OR4K1: variants seen among roughly 807,000 people sequenced by gnomAD.
OR4K1 encodes the protein olfactory receptor 4K1.
In OR4K1, 16 loss-of-function variants were observed where a neutral mutation model predicts 14.4. The observed-to-expected ratio is 1.11, with a 90% confidence interval of 0.75 to 1.68. The LOEUF (loss-of-function observed/expected upper bound fraction) is 1.68. OR4K1 is among the 40% of genes most tolerant of loss of function. OR4K1 has a pLI of 0.00. For missense variants in OR4K1, 548 were observed against 376.9 expected (o/e 1.45, Z -3.76); for synonymous variants, 181 against 133.1 (o/e 1.36, Z -2.48).
At chr14:19,921,390 T>C in the OR4K1 span, 4 of 1,613,914 alleles carry the variant, frequency 2.5e-6, no homozygotes, top group East Asian at 4.5e-5. Flanking sequence ...TGTGTGGCCC[T>C]TTACCATCTC....
intron 1 of OR4K1, among the ~76,000 whole-genome samples, chr14:19,933,694 G>A (rs1219152182): frequency 6.6e-6 from 1 of 152,206 alleles, no homozygotes; most frequent in Non-Finnish European, 1.5e-5. Context: ...TCAGGTTCAA[G>A]CGATTCTCCT....
At chr14:19,928,434 A>T (rs1882107654), upstream of OR4K1, among the ~76,000 whole-genome samples, 1 of 152,076 alleles carries the variant, frequency 6.6e-6, no homozygotes, top group Non-Finnish European at 1.5e-5. Flanking sequence ...CTGTGACTTC[A>T]ATTATGTTTA....
the OR4K1 span, among the ~76,000 whole-genome samples, chr14:19,925,766 G>A: frequency 6.6e-6 from 1 of 152,276 alleles, no homozygotes; most frequent in Non-Finnish European, 1.5e-5. Context: ...GGCTCGTGGG[G>A]AGAGTACCCC....
At chr14:19,933,317 CA>C (rs2070631500) in intron 1 of OR4K1, among the ~76,000 whole-genome samples, 1 of 152,110 alleles carries the variant, frequency 6.6e-6, no homozygotes, top group South Asian at 2.1e-4. Context: ...CACAATGAGT[CA>C]AATGCTATAA....
upstream of OR4K1, among the ~76,000 whole-genome samples, chr14:19,929,115 A>T (rs1882127384): frequency 6.6e-6 from 1 of 151,750 alleles, no homozygotes; most frequent in Non-Finnish European, 1.5e-5. Context: ...TTTAAAACTT[A>T]ATCTTTGATC....
rs149331677 is a variant in OR4K1, at chr14:19,936,269, G to A, written c.603G>A (p.Thr201=). The A allele has an allele frequency of 2.8e-3, 4,439 of 1,613,688 alleles. 6 individuals carry two copies. Among genetic ancestry groups the A allele is most frequent in the Non-Finnish European group, 3.3e-3 (3,910 of 1,179,602 alleles). The part of the protein sequence containing the change: ...DTYEMEIMTL[T]NSGLISLSCF... Reference sequence around the variant, plus strand: ...ATGAAATGGAAATTATGACCCTAACGAACAGTGGCCTGATATCATTGAGCT... The same window carrying A: ...ATGAAATGGAAATTATGACCCTAACAAACAGTGGCCTGATATCATTGAGCT... The change falls in exon 2 of 2, where the codon ACG becomes ACA. Residue 201 remains threonine (T), a synonymous_variant. Coordinates refer to ENST00000641172, the MANE Select transcript of OR4K1 (RefSeq NM_001004063.3).
chr14:19,921,937 A>T, the OR4K1 span, among the ~76,000 whole-genome samples: 1 of 152,282 alleles, frequency 6.6e-6, no homozygotes, highest in Non-Finnish European at 1.5e-5. Flanking sequence ...TCTTAACAAC[A>T]TGCCTAAAAC....
At position 19,936,013 on chromosome 14, in the gene OR4K1, T is replaced by A; in HGVS notation, c.347T>A (p.Val116Glu). ...GTTGGGAGTGAGATGATGTTGCTTG[T>A]AGCTATGGCATATGACAGATTTATA... ...SFVGSEMMLL[V>E]AMAYDRFIAI... Residue 116 changes from valine (V) to glutamate (E), a missense_variant, in exon 2 of 2, where the codon GTA becomes GAA. Transcript: ENST00000641172. 1 of 1,614,262 alleles carries A rather than the reference T, an allele frequency of 6.2e-7. No individual in the cohort carries two copies. The highest frequency in any genetic ancestry group is 8.5e-7 in the Non-Finnish European group (1 of 1,180,048).
At chr14:19,933,560 T>G (rs1311820607) in intron 1 of OR4K1, among the ~76,000 whole-genome samples, 1 of 152,314 alleles carries the variant, frequency 6.6e-6, no homozygotes. Flanking sequence ...CATGCCTCGT[T>G]GATCTGTTTA....
At chr14:19,921,770 T>A in the OR4K1 span, 1 of 597,202 alleles carries the variant, frequency 1.7e-6, no homozygotes, top group Non-Finnish European at 2.6e-6. Context: ...CTGTTTAGAT[T>A]ACTGGTTCTA....
At chr14:19,934,772 G>A (rs1390397322) in intron 1 of OR4K1, among the ~76,000 whole-genome samples, 1 of 152,050 alleles carries the variant, frequency 6.6e-6, no homozygotes, top group Non-Finnish European at 1.5e-5. Context: ...CCAGGTTCAA[G>A]CAATTCTCCT....
the OR4K1 span, among the ~76,000 whole-genome samples, chr14:19,923,266 A>G: frequency 6.6e-6 from 1 of 152,180 alleles, no homozygotes. Flanking sequence ...TCGTTAATGC[A>G]TGTGTTTAGC....
chr14:19,933,802 G>T (rs1882240535), intron 1 of OR4K1, among the ~76,000 whole-genome samples: 1 of 152,178 alleles, frequency 6.6e-6, no homozygotes, highest in Non-Finnish European at 1.5e-5. Context: ...TGCCAGGCAG[G>T]TCTTGAACTC....
At chr14:19,922,785 C>T in the OR4K1 span, among the ~76,000 whole-genome samples, 2 of 152,300 alleles carry the variant, frequency 1.3e-5, no homozygotes, top group Non-Finnish European at 2.9e-5. Context: ...TGTGCTGTCT[C>T]CCCTGTGATC....
upstream of OR4K1, among the ~76,000 whole-genome samples, chr14:19,928,199 T>C (rs1882100945): frequency 6.6e-6 from 1 of 152,252 alleles, no homozygotes; most frequent in South Asian, 2.1e-4. Flanking sequence ...GATTGGACTC[T>C]CTCTGCATCA....
At chr14:19,929,923 G>C (rs1024076109), upstream of OR4K1, among the ~76,000 whole-genome samples, 11 of 152,258 alleles carry the variant, frequency 7.2e-5, no homozygotes, top group African/African-American at 2.6e-4. Context: ...TTTCTTTGTA[G>C]TCTGGATATT....
the OR4K1 span, chr14:19,921,768 A>G: frequency 1.2e-4 from 76 of 610,664 alleles, no homozygotes; most frequent in Non-Finnish European, 1.9e-4. Flanking sequence ...CTCTGTTTAG[A>G]TTACTGGTTC....
chr14:19,927,653 G>A (rs1454105798), upstream of OR4K1, among the ~76,000 whole-genome samples: 1 of 152,218 alleles, frequency 6.6e-6, no homozygotes, highest in Non-Finnish European at 1.5e-5. Context: ...AGGGAGTCAT[G>A]CTGCAACCTT....
At position 19,936,158 on chromosome 14, in the gene OR4K1, G is replaced by A; in HGVS notation, c.492G>A (p.Val164=). The change falls in exon 2 of 2, where the codon GTG becomes GTA. Residue 164 remains valine, a synonymous_variant. Coordinates refer to ENST00000641172, the MANE Select transcript of OR4K1 (RefSeq NM_001004063.3). ...CTGTGAGCCACTTGGCTTTTACAGT[G>A]GACCTGCCATTCTGTGGTCCCAATG... The part of the protein sequence containing the change: ...LHSVSHLAFT[V]DLPFCGPNEV... 1 of 1,614,248 alleles carries A rather than the reference G, an allele frequency of 6.2e-7. No individual in the cohort carries two copies. The highest frequency in any genetic ancestry group is 8.5e-7 in the Non-Finnish European group (1 of 1,180,044).
Sources: allele counts gnomAD v4.1 joint callset (sites outside exome capture counted in the v4.1 genomes callset), GRCh38; gene constraint gnomAD v4.1.1; transcripts MANE v1.5; gene names NCBI Gene and HGNC (gene_info 2026-07-23, HGNC 2026-07-21).